NRXN2: variants seen among roughly 807,000 people sequenced by gnomAD.
NRXN2 encodes neurexin 2.
Under a neutral mutation model 128.8 loss-of-function variants are expected in NRXN2, and 29 were observed. The ratio of observed to expected loss-of-function variants is 0.23; its 90% confidence interval spans 0.17 to 0.31. NRXN2 has a LOEUF of 0.31. NRXN2 is among the 10% of genes least tolerant of loss of function. The probability of loss-of-function intolerance (pLI) is 1.00; values close to 1 mark genes in which losing one functional copy is unlikely to be tolerated. For synonymous variants in NRXN2, 1,098 were observed against 1,075.2 expected (o/e 1.02, Z -0.41); for missense variants, 1,881 against 2,452.6 (o/e 0.77, Z 4.92).
intron 17 of NRXN2, chr11:64,642,817 C>A (rs2045939067): frequency 8.9e-7 from 1 of 1,119,568 alleles, no homozygotes; most frequent in South Asian, 4.3e-5. Flanking sequence ...GGCCCGGGGG[C>A]GACCGCCTCA....
In NRXN2 at chr11:64,701,043, G is replaced by A. The variant is rs778580555; in HGVS notation, c.731-3251C>T. 7.9e-5 allele frequency among the ~76,000 whole-genome samples: 12 copies of A among 152,176 alleles called. No individual in the cohort carries two copies. In the South Asian group the frequency reaches 1.0e-3, roughly 13 times the overall value. On this transcript the variant is annotated intron_variant, in intron 2 of 22. Transcript: ENST00000265459. ...TCCTTATCATCCCTCCATTTCCACC[G>A]GCACCGCCCAGGCCAGGCCCTGGTG...
At chr11:64,675,386 G>A (rs1432283678) in intron 7 of NRXN2, 1 of 152,310 alleles carries the variant, frequency 6.6e-6, no homozygotes, top group East Asian at 1.9e-4. Flanking sequence ...TAGCCTCAGA[G>A]GTAGAGCCTC....
rs1438475926 is a variant in NRXN2 at position 64,630,318 on chromosome 11, C to A, written c.3757+84G>T. The A allele has an allele frequency of 5.2e-6, 7 of 1,352,088 alleles. No individual in the cohort carries two copies. Among genetic ancestry groups the A allele is most frequent in the Non-Finnish European group, 6.0e-6 (6 of 1,000,962 alleles). The allele number at this position is 1,352,088 out of a possible 1,614,324, so 83.8% of individuals were successfully genotyped here. Reference sequence around the variant, plus strand: ...TTAGCCCCGCCCCAGAGCCGCTTAGCCCCGCCCCGGTGCGGCCGCACTCCT... The same window carrying A: ...TTAGCCCCGCCCCAGAGCCGCTTAGACCCGCCCCGGTGCGGCCGCACTCCT... On this transcript the variant is annotated intron_variant, in intron 19 of 22. Transcript: ENST00000265459. The surrounding 1 kb of genome is among the most constrained non-coding windows in gnomAD (Gnocchi z 4.6).
At chr11:64,652,205 G>A (rs906133072) in intron 12 of NRXN2, 51 bp from the exon 13 acceptor site, 1 of 1,574,072 alleles carries the variant, frequency 6.4e-7, no homozygotes, top group African/African-American at 1.3e-5. Flanking sequence ...GCTCATAGGT[G>A]ACTTCCTATA....
intron 5 of NRXN2, among the ~76,000 whole-genome samples, chr11:64,688,044 G>A (rs1283733505): frequency 6.6e-6 from 1 of 152,204 alleles, no homozygotes; most frequent in Non-Finnish European, 1.5e-5. Flanking sequence ...GTCAAAGAAA[G>A]TATCATTAAA....
rs963686224 is a variant in NRXN2 at position 64,660,678 on chromosome 11, A to G, written c.2185+75T>C. On this transcript the variant is annotated intron_variant, in intron 10 of 22. Coordinates refer to ENST00000265459, the MANE Select transcript of NRXN2 (RefSeq NM_015080.4). This position sits in a 1 kb window ranked among gnomAD's most constrained non-coding sequence, Gnocchi z 5.2. Reference sequence around the variant, plus strand: ...CTAGGAGGAGGTGGCACAGGGATGGAAAGTAGGAGTCACCCTGAGAAGGAG... The same window carrying G: ...CTAGGAGGAGGTGGCACAGGGATGGGAAGTAGGAGTCACCCTGAGAAGGAG... 12 of 1,599,742 alleles carry G rather than the reference A, an allele frequency of 7.5e-6. No homozygotes were observed. The highest frequency in any genetic ancestry group is 1.3e-5 in the African/African-American group (1 of 74,808).
chr11:64,711,123 C>A (rs1346593123), intron 2 of NRXN2, among the ~76,000 whole-genome samples: 5 of 152,328 alleles, frequency 3.3e-5, no homozygotes, highest in African/African-American at 1.2e-4. Flanking sequence ...ACACCCAGGG[C>A]CACACCTGCA....
At chr11:64,677,908 T>C (rs555672707) in intron 6 of NRXN2, among the ~76,000 whole-genome samples, 2 of 152,298 alleles carry the variant, frequency 1.3e-5, no homozygotes, top group East Asian at 3.9e-4. Context: ...GCTATCAGGC[T>C]GGGAGAAGAG....
At chr11:64,705,566 T>C (rs951658336) in intron 2 of NRXN2, among the ~76,000 whole-genome samples, 5 of 151,916 alleles carry the variant, frequency 3.3e-5, no homozygotes, top group African/African-American at 1.2e-4. Flanking sequence ...TTGTGCTCAA[T>C]TTTTCTCACC....
At chr11:64,701,592 A>T (rs2055367364) in intron 2 of NRXN2, among the ~76,000 whole-genome samples, 2 of 152,152 alleles carry the variant, frequency 1.3e-5, no homozygotes, top group Non-Finnish European at 2.9e-5. Context: ...CGCAAAAATT[A>T]GCCAGATGTA....
chr11:64,630,570 G>C lies in NRXN2; in HGVS notation c.3589C>G (p.Gln1197Glu). The change falls in exon 19 of 23, where the codon CAG (glutamine) becomes GAG (glutamate). Residue 1197 changes from glutamine to glutamate, a missense_variant. This residue lies in a region of NRXN2 where 390 missense variants were observed against 599.6 expected (regional missense o/e 0.65). Coordinates refer to ENST00000265459, the MANE Select transcript of NRXN2 (RefSeq NM_015080.4). This position sits in a 1 kb window ranked among gnomAD's most constrained non-coding sequence, Gnocchi z 4.6. Reference protein sequence around the residue: ...LGDYLQLHIDQGTVGVIFNVG... With the variant: ...LGDYLQLHIDEGTVGVIFNVG... ...TTAAAGATCACCCCCACGGTGCCCT[G>C]GTCCTGGGGACATGGAGGTGGAGGT... The C allele has an allele frequency of 1.2e-6, 2 of 1,613,860 alleles. No homozygotes were observed. Among genetic ancestry groups the C allele is most frequent in the Non-Finnish European group, 1.7e-6 (2 of 1,180,014 alleles).
chr11:64,707,221 T>A (rs2056427838), intron 2 of NRXN2, among the ~76,000 whole-genome samples: 1 of 151,882 alleles, frequency 6.6e-6, no homozygotes, highest in South Asian at 2.1e-4. Flanking sequence ...TGAAACCCCG[T>A]CTCTACTAAA....
intron 2 of NRXN2, among the ~76,000 whole-genome samples, chr11:64,698,858 C>T (rs1367861990): frequency 2.0e-5 from 3 of 152,206 alleles, no homozygotes; most frequent in African/African-American, 7.2e-5. Context: ...CCCCCAGCTC[C>T]AAACATTTGC....
intron 22 of NRXN2, among the ~76,000 whole-genome samples, chr11:64,611,999 C>T (rs1212581602): frequency 6.6e-6 from 1 of 151,992 alleles, no homozygotes; most frequent in Non-Finnish European, 1.5e-5. Flanking sequence ...TGTCCCACAC[C>T]CCACTTCCTC....
chr11:64,718,501 G>C (rs1331701490), intron 1 of NRXN2, among the ~76,000 whole-genome samples: 1 of 152,200 alleles, frequency 6.6e-6, no homozygotes, highest in African/African-American at 2.4e-5. Context: ...TGCGTGCTAT[G>C]GGGGGAGATT....
At chr11:64,706,064 T>C (rs1592255010) in intron 2 of NRXN2, among the ~76,000 whole-genome samples, 1 of 75,668 alleles carries the variant, frequency 1.3e-5, no homozygotes, top group Admixed American at 2.7e-4. Context: ...TACAGCACTT[T>C]TATATATATA....
rs1397172630 is a variant in NRXN2 at position 64,697,755 on chromosome 11, GACAGAGAGGCT to G, written c.748+9_748+19del. On this transcript the variant is annotated intron_variant, in intron 3 of 22. Transcript: ENST00000265459. ...ATGGCAACAGATCCACTACCCCAGTGACAGAGAGGCTTCACTCACCTTCCATGGGGTGCTCC... is the reference window on the plus strand; with the variant it reads ...ATGGCAACAGATCCACTACCCCAGTGTCACTCACCTTCCATGGGGTGCTCC... The G allele has an allele frequency of 1.2e-6, 2 of 1,613,674 alleles. No individual in the cohort carries two copies. The highest frequency in any genetic ancestry group is 1.7e-6 in the Non-Finnish European group (2 of 1,179,756).
At chr11:64,639,755 C>A (rs1417434403) in intron 17 of NRXN2, among the ~76,000 whole-genome samples, 1 of 152,016 alleles carries the variant, frequency 6.6e-6, no homozygotes, top group Non-Finnish European at 1.5e-5. Context: ...CAAGTAGAAA[C>A]ACAGTGAGAC....
intron 2 of NRXN2, chr11:64,712,622 C>A: frequency 4.2e-6 from 2 of 477,220 alleles, no homozygotes; most frequent in Non-Finnish European, 4.3e-6. Flanking sequence ...CACCCACAAG[C>A]CTTCACGAAC....
Sources: gnomAD v4.1 joint callset for allele counts (sites outside exome capture counted in the v4.1 genomes callset) on GRCh38, gnomAD v4.1.1 for gene constraint, gnomAD v4.1.1 regional missense constraint, Gnocchi (gnomAD v3.1) non-coding constraint, MANE v1.5 for transcripts, NCBI Gene and HGNC (gene_info 2026-07-23, HGNC 2026-07-21) for gene names.